NPTN: variants seen among roughly 807,000 people sequenced by gnomAD.
The protein encoded by NPTN is neuroplastin, also known as SDR-1.
NPTN carries 5 observed loss-of-function variants against 42.7 expected under a neutral mutation model. That is an observed-to-expected ratio of 0.12 (90% CI 0.06 to 0.25). The LOEUF (loss-of-function observed/expected upper bound fraction) is 0.25, where lower values mean the gene tolerates loss of function less well. Ranked by LOEUF, NPTN falls within the 10% of genes least tolerant of loss-of-function variation. The probability of loss-of-function intolerance (pLI) is 1.00; values close to 1 mark genes in which losing one functional copy is unlikely to be tolerated. For missense variants in NPTN, 307 were observed against 525.4 expected (o/e 0.58, Z 4.06); for synonymous variants, 180 against 201.9 (o/e 0.89, Z 0.92).
intron 6 of NPTN, chr15:73,563,476 G>A (rs1045263470): frequency 7.3e-7 from 1 of 1,367,430 alleles, no homozygotes; most frequent in Non-Finnish European, 9.4e-7. Context: ...TGTTTCAATG[G>A]TTTTAGTTAA....
chr15:73,600,720 C>T (rs1186051714), intron 1 of NPTN, among the ~76,000 whole-genome samples: 1 of 152,082 alleles, frequency 6.6e-6, no homozygotes, highest in Non-Finnish European at 1.5e-5. Flanking sequence ...TAATTCCTGG[C>T]CACAAAAAGC....
intron 4 of NPTN, among the ~76,000 whole-genome samples, chr15:73,584,542 T>C (rs1282355570): frequency 6.6e-6 from 1 of 151,668 alleles, no homozygotes; most frequent in Non-Finnish European, 1.5e-5. Context: ...CTCTGAAGAG[T>C]CACAAGCTGA....
In NPTN at chr15:73,569,882, T is replaced by C. The variant is rs1335134616; in HGVS notation, c.1114+268A>G. ...CACCACATGGGGCCTGAAAGGCAGA[T>C]GGGACTAGGGTTTGGAAAACACCCA... On this transcript the variant is annotated intron_variant, in intron 6 of 8. Coordinates refer to ENST00000345330, the MANE Select transcript of NPTN (RefSeq NM_012428.4). The surrounding 1 kb of genome is among the most constrained non-coding windows in gnomAD (Gnocchi z 4.1). The C allele has an allele frequency of 1.1e-6, 1 of 910,310 alleles. No individual in the cohort carries two copies. The highest frequency in any genetic ancestry group is 1.3e-6 in the Non-Finnish European group (1 of 761,860). 56.4% of individuals were successfully genotyped at this position (910,310 alleles called of 1,614,324 possible). A position where few individuals can be genotyped will look rare whatever the true frequency, so the allele number is the denominator to read the frequency against.
At chr15:73,595,051 T>C (rs1005724319) in intron 2 of NPTN, among the ~76,000 whole-genome samples, 2 of 150,970 alleles carry the variant, frequency 1.3e-5, no homozygotes, top group Non-Finnish European at 2.9e-5. Context: ...CTGAAGAGAG[T>C]CTAGCCAGGA....
At chr15:73,606,631 T>C (rs1897306194) in intron 1 of NPTN, among the ~76,000 whole-genome samples, 1 of 152,222 alleles carries the variant, frequency 6.6e-6, no homozygotes, top group Non-Finnish European at 1.5e-5. Flanking sequence ...TGGGCAGATC[T>C]AGAACTACAT....
rs370465590 is a variant in NPTN, at chr15:73,619,335, A to C, written c.91+13790T>G. 6.6e-5 allele frequency among the ~76,000 whole-genome samples: 10 copies of C among 152,296 alleles called. No homozygotes were observed. The East Asian group carries it at 1.2e-3, about 18-fold the overall frequency. On this transcript the variant is annotated intron_variant, in intron 1 of 8. Coordinates refer to ENST00000345330, the MANE Select transcript of NPTN (RefSeq NM_012428.4). ...GTACGTCTCTACAAAATTTTACAAG[A>C]AGCAAGAAAATGTAAAACTTTCAAA...
At chr15:73,572,800 G>T (rs11854267) in intron 5 of NPTN, among the ~76,000 whole-genome samples, 3,058 of 152,262 alleles carry the variant, frequency 0.02, 108 homozygotes, top group African/African-American at 0.07. Flanking sequence ...TATCCTGAAG[G>T]CAAGTGATAT....
intron 7 of NPTN, 35 bp downstream of exon 7, chr15:73,563,201 G>C (rs1178460048): frequency 2.2e-6 from 3 of 1,348,254 alleles, no homozygotes; most frequent in Admixed American, 1.7e-5. Flanking sequence ...CATTCAATCA[G>C]ATACTGTTGA....
chr15:73,586,469 G>A (rs1896324363), intron 4 of NPTN, among the ~76,000 whole-genome samples: 1 of 152,274 alleles, frequency 6.6e-6, no homozygotes, highest in African/African-American at 2.4e-5. Context: ...GGAGGCAGTG[G>A]CCATCCCTAC....
chr15:73,586,882 T>C (rs2141389647), intron 4 of NPTN, among the ~76,000 whole-genome samples: 1 of 152,342 alleles, frequency 6.6e-6, no homozygotes, highest in Non-Finnish European at 1.5e-5. Flanking sequence ...AGGTTTCACT[T>C]TTCTGGGTCT....
chr15:73,567,851 T>A, intron 6 of NPTN: 1 of 985,262 alleles, frequency 1.0e-6, no homozygotes, highest in Non-Finnish European at 1.2e-6. Flanking sequence ...CATCTCAGAT[T>A]TTTCACCCCA....
At chr15:73,576,373 G>A (rs1232161264) in intron 4 of NPTN, among the ~76,000 whole-genome samples, 3 of 152,188 alleles carry the variant, frequency 2.0e-5, no homozygotes, top group African/African-American at 7.2e-5. Flanking sequence ...CTGTTGGCCA[G>A]GCTGGAATGC....
intron 1 of NPTN, among the ~76,000 whole-genome samples, chr15:73,629,752 C>T (rs1374582045): frequency 2.0e-5 from 3 of 151,728 alleles, no homozygotes; most frequent in Admixed American, 1.3e-4. Flanking sequence ...CACTGTGTGC[C>T]GGGTACCACA....
intron 8 of NPTN, among the ~76,000 whole-genome samples, chr15:73,561,456 G>C (rs1894658561): frequency 6.6e-6 from 1 of 152,178 alleles, no homozygotes; most frequent in South Asian, 2.1e-4. Context: ...GAGGCAGGCG[G>C]ATCACTTGAG....
chr15:73,601,469 G>T (rs1165402746), intron 1 of NPTN, among the ~76,000 whole-genome samples: 1 of 152,198 alleles, frequency 6.6e-6, no homozygotes. Flanking sequence ...TTCAGGAAAA[G>T]AACTGGCTCT....
chr15:73,588,511 A>G (rs1566970753), intron 3 of NPTN, among the ~76,000 whole-genome samples: 1 of 152,194 alleles, frequency 6.6e-6, no homozygotes, highest in Admixed American at 6.5e-5. Flanking sequence ...CCAGGGCCCT[A>G]CATGATCTGG....
At chr15:73,593,896 G>T (rs1431801608) in intron 2 of NPTN, among the ~76,000 whole-genome samples, 2 of 152,142 alleles carry the variant, frequency 1.3e-5, no homozygotes, top group East Asian at 3.8e-4. Flanking sequence ...TAGCGCAGTG[G>T]TGTCCCATGG....
intron 1 of NPTN, among the ~76,000 whole-genome samples, chr15:73,623,135 G>C (rs1898217143): frequency 6.6e-6 from 1 of 152,132 alleles, no homozygotes; most frequent in African/African-American, 2.4e-5. Context: ...ACTTTTACTA[G>C]GTTTCATATA....
chr15:73,633,098 CCGG>C, intron 1 of NPTN, 24 bp downstream of exon 1: 7 of 1,405,270 alleles, frequency 5.0e-6, no homozygotes, highest in African/African-American at 1.5e-5. Flanking sequence ...CAACCCCCGC[CCGG>C]CCCGCCCCCG....
Sources: allele counts gnomAD v4.1 joint callset (sites outside exome capture counted in the v4.1 genomes callset), GRCh38; gene constraint gnomAD v4.1.1; non-coding constraint Gnocchi (gnomAD v3.1); transcripts MANE v1.5; gene names NCBI Gene and HGNC (gene_info 2026-07-23, HGNC 2026-07-21).